The following NAALADL2 variants were observed in gnomAD, a reference collection of about 807,000 sequenced individuals.
NAALADL2 encodes the protein inactive N-acetylated-alpha-linked acidic dipeptidase-like protein 2.
In NAALADL2, 76 loss-of-function variants were observed where a neutral mutation model predicts 87.2. The observed-to-expected ratio is 0.87, with a 90% CI of 0.72 to 1.05. The LOEUF (loss-of-function observed/expected upper bound fraction) is 1.05, where lower values mean the gene tolerates loss of function less well. Among genes scored for constraint, NAALADL2 ranks in the 50% least tolerant of loss-of-function variants. The pLI, the probability that NAALADL2 is intolerant of heterozygous loss-of-function variation, is 0.00. For synonymous variants in NAALADL2, 354 were observed against 331.0 expected (o/e 1.07, Z -0.75); for missense variants, 1,089 against 945.8 (o/e 1.15, Z -1.99).
At chr3:175,317,520 C>T (rs966220574) in intron 4 of NAALADL2, among the ~76,000 whole-genome samples, 4 of 151,906 alleles carry the variant, frequency 2.6e-5, no homozygotes, top group South Asian at 2.1e-4. Flanking sequence ...TTGGCCATCC[C>T]GCTGGTAAAC....
intron 9 of NAALADL2, among the ~76,000 whole-genome samples, chr3:175,524,601 G>A (rs1292318126): frequency 2.0e-5 from 3 of 151,838 alleles, no homozygotes; most frequent in Admixed American, 6.6e-5. Context: ...ATTTCATATT[G>A]CTATTTCTCT....
intron 3 of NAALADL2, among the ~76,000 whole-genome samples, chr3:174,826,023 A>G (rs1434904425): frequency 1.4e-5 from 2 of 147,746 alleles, no homozygotes; most frequent in African/African-American, 2.5e-5. Context: ...GCGAGACTCC[A>G]TCTCAAACAA....
chr3:175,439,780 A>T (rs543173085), intron 5 of NAALADL2, among the ~76,000 whole-genome samples: 1 of 120,124 alleles, frequency 8.3e-6, no homozygotes, highest in Admixed American at 9.4e-5. Context: ...TAGATTCTGG[A>T]TATTCGTACT....
At chr3:174,755,408 A>G (rs1283221213) in intron 3 of NAALADL2, among the ~76,000 whole-genome samples, 1 of 152,212 alleles carries the variant, frequency 6.6e-6, no homozygotes, top group Admixed American at 6.5e-5. Context: ...TGGCTAATGA[A>G]TGTCCTCATT....
intron 11 of NAALADL2, among the ~76,000 whole-genome samples, chr3:175,716,783 A>C (rs562870143): frequency 2.0e-5 from 3 of 152,284 alleles, no homozygotes; most frequent in South Asian, 4.1e-4. Flanking sequence ...TTTCAAAAAC[A>C]GATAAGTCAT....
chr3:175,534,567 G>C (rs1210267423), intron 9 of NAALADL2, among the ~76,000 whole-genome samples: 1 of 152,068 alleles, frequency 6.6e-6, no homozygotes, highest in Non-Finnish European at 1.5e-5. Flanking sequence ...AATGTGTCCT[G>C]TCTGGATGAC....
At chr3:175,027,070 T>C (rs572044503) in intron 1 of NAALADL2, among the ~76,000 whole-genome samples, 72 of 152,084 alleles carry the variant, frequency 4.7e-4, no homozygotes, top group Non-Finnish European at 7.8e-4. Context: ...GGGGTTGGAT[T>C]TGTATAGTCT....
chr3:175,439,633 T>A (rs552089180), intron 5 of NAALADL2, among the ~76,000 whole-genome samples: 1 of 152,208 alleles, frequency 6.6e-6, no homozygotes, highest in Admixed American at 6.5e-5. Context: ...GCCGTTTGTA[T>A]ATCTTCTTGT....
intron 1 of NAALADL2, among the ~76,000 whole-genome samples, chr3:175,093,699 T>G (rs952380757): frequency 6.6e-6 from 1 of 151,756 alleles, no homozygotes; most frequent in African/African-American, 2.4e-5. Flanking sequence ...TTCCCTGAAA[T>G]ACTTTGGAGT....
intron 2 of NAALADL2, among the ~76,000 whole-genome samples, chr3:174,562,769 TC>T (rs1290912810): frequency 6.6e-6 from 1 of 151,912 alleles, no homozygotes; most frequent in Admixed American, 6.6e-5. Flanking sequence ...ATCATGATAT[TC>T]TGTCACGAGA....
chr3:175,637,732 A>C (rs987994082), intron 11 of NAALADL2, among the ~76,000 whole-genome samples: 2 of 152,184 alleles, frequency 1.3e-5, no homozygotes, highest in African/African-American at 4.8e-5. Flanking sequence ...GCAAAACGGC[A>C]AGCCAAATAA....
intron 10 of NAALADL2, among the ~76,000 whole-genome samples, chr3:175,576,667 C>T (rs1260258348): frequency 6.6e-6 from 1 of 152,002 alleles, no homozygotes; most frequent in African/African-American, 2.4e-5. Context: ...CATTTTTTTC[C>T]AAAGAATATC....
intron 3 of NAALADL2, among the ~76,000 whole-genome samples, chr3:174,835,623 A>G (rs1028099865): frequency 3.3e-5 from 5 of 152,178 alleles, no homozygotes; most frequent in African/African-American, 1.2e-4. Context: ...GTTAATATCT[A>G]GAATATATAA....
At chr3:175,665,935 C>CG (rs1560940221) in intron 11 of NAALADL2, among the ~76,000 whole-genome samples, 1 of 150,980 alleles carries the variant, frequency 6.6e-6, no homozygotes, top group Non-Finnish European at 1.5e-5. Flanking sequence ...GTCCCCCCCC[C>CG]AAAAAAAAGG....
chr3:174,838,997 C>T (rs188565177), intron 3 of NAALADL2, among the ~76,000 whole-genome samples: 1 of 151,974 alleles, frequency 6.6e-6, no homozygotes, highest in Admixed American at 6.6e-5. Context: ...AAAAGCAATC[C>T]CAAAGTTCAT....
At chr3:174,535,288 G>A (rs1394484340) in intron 1 of NAALADL2, among the ~76,000 whole-genome samples, 1 of 152,130 alleles carries the variant, frequency 6.6e-6, no homozygotes, top group African/African-American at 2.4e-5. Context: ...GTACCCAGAT[G>A]ACTTTTATGG....
intron 1 of NAALADL2, among the ~76,000 whole-genome samples, chr3:174,514,847 C>T (rs1719821901): frequency 6.6e-6 from 1 of 152,032 alleles, no homozygotes; most frequent in South Asian, 2.1e-4. Flanking sequence ...TGTGCTCCCC[C>T]AAGAATTACT....
intron 2 of NAALADL2, among the ~76,000 whole-genome samples, chr3:174,648,596 A>G (rs768292711): frequency 1.3e-5 from 2 of 152,168 alleles, no homozygotes; most frequent in Admixed American, 6.6e-5. Flanking sequence ...GTATAGCACT[A>G]TCTTATTCTT....
chr3:174,506,833 T>G (rs1227909350), intron 1 of NAALADL2, among the ~76,000 whole-genome samples: 1 of 152,036 alleles, frequency 6.6e-6, no homozygotes, highest in African/African-American at 2.4e-5. Context: ...CCATTGCACT[T>G]CTTTTGTGAA....
Sources: allele counts gnomAD v4.1 joint callset (sites outside exome capture counted in the v4.1 genomes callset), GRCh38; gene constraint gnomAD v4.1.1; transcripts MANE v1.5; gene names NCBI Gene and HGNC (gene_info 2026-07-23, HGNC 2026-07-21).